Variants in CARM1 observed in about 807,000 individuals in gnomAD.
CARM1 encodes coactivator associated arginine methyltransferase 1.
CARM1 carries 14 observed loss-of-function variants against 72.7 expected under a neutral mutation model. The observed-to-expected ratio is 0.19, with a 90% CI of 0.13 to 0.30. CARM1 has a LOEUF of 0.30. Ranked by LOEUF, CARM1 falls within the 10% of genes least tolerant of loss-of-function variation. The probability of loss-of-function intolerance (pLI) is 1.00; values close to 1 mark genes in which losing one functional copy is unlikely to be tolerated. For synonymous variants in CARM1, 333 were observed against 345.5 expected, an observed-to-expected ratio of 0.96 and a Z score of 0.40; for missense variants, 432 against 833.7, an observed-to-expected ratio of 0.52 and a Z score of 5.93.
chr19:10,880,603 C>A (rs1205092971), intron 1 of CARM1, among the ~76,000 whole-genome samples: 3 of 151,482 alleles, frequency 2.0e-5, no homozygotes, highest in Non-Finnish European at 4.4e-5. Context: ...ATTCTCCTAC[C>A]TTGGCCCCCA....
In CARM1 at chr19:10,922,960, AT is replaced by A. The variant is rs1394149681; in HGVS notation, c.*1204del. 1 of 213,102 alleles carries A rather than the reference AT, an allele frequency of 4.7e-6. No homozygotes were observed. The highest frequency in any genetic ancestry group is 9.2e-6 in the Non-Finnish European group (1 of 108,520). 13.2% of individuals were successfully genotyped at this position (213,102 alleles called of 1,614,324 possible). On this transcript the variant is annotated 3_prime_UTR_variant, in exon 16 of 16. Transcript: ENST00000327064. Reference sequence around the variant, plus strand: ...GGAAAGCAGGTGGCCCGGGGGGGATATGGGGGCCCCAGCCCTGTCCCAAAGC... The same window carrying A: ...GGAAAGCAGGTGGCCCGGGGGGGATAGGGGGCCCCAGCCCTGTCCCAAAGC...
In CARM1 at chr19:10,895,917, C is replaced by T. The variant is rs146304420; in HGVS notation, c.221-9034C>T. Among the ~76,000 whole-genome samples, 545 of 152,236 alleles carry T rather than the reference C, an allele frequency of 3.6e-3. 3 individuals carry two copies. The highest frequency in any genetic ancestry group is 6.8e-3 in the Middle Eastern group (2 of 294). ...AAGCAGGGGAAGAGGGGAGGGTGAT[C>T]TCTAAGGAGCATCAGAGGCCAGAGA... is the stretch of plus-strand genomic sequence containing the variant. On this transcript the variant is annotated intron_variant, in intron 1 of 15. Coordinates refer to ENST00000327064, the MANE Select transcript of CARM1 (RefSeq NM_199141.2).
intron 1 of CARM1, among the ~76,000 whole-genome samples, chr19:10,888,806 A>G (rs983847766): frequency 2.0e-5 from 3 of 152,218 alleles, no homozygotes; most frequent in Admixed American, 2.0e-4. Context: ...TGCATGTAAT[A>G]GCTCCCAGTG....
intron 1 of CARM1, among the ~76,000 whole-genome samples, chr19:10,883,212 C>G (rs2073914969): frequency 6.6e-6 from 1 of 152,098 alleles, no homozygotes; most frequent in Admixed American, 6.6e-5. Flanking sequence ...AGGATTGGCC[C>G]ACACCCAACA....
chr19:10,909,693 C>T (rs182328617), intron 4 of CARM1, among the ~76,000 whole-genome samples: 43 of 148,192 alleles, frequency 2.9e-4, no homozygotes, highest in African/African-American at 9.3e-4. Flanking sequence ...GCTGAGATCG[C>T]GCCACTGCAC....
At chr19:10,919,480 C>T (rs891988152) in intron 8 of CARM1, 115 bp from the exon 9 acceptor site, 11 of 743,222 alleles carry the variant, frequency 1.5e-5, no homozygotes, top group Admixed American at 2.4e-5. Flanking sequence ...AGAGCAAGCT[C>T]GTTTTAGCTG....
chr19:10,894,097 T>TC (rs2145205792), intron 1 of CARM1, among the ~76,000 whole-genome samples: 1 of 152,306 alleles, frequency 6.6e-6, no homozygotes, highest in South Asian at 2.1e-4. Context: ...GGCTCAGGTG[T>TC]CGCCTCCTCC....
chr19:10,920,580 C>G lies in CARM1; in HGVS notation c.1334+7C>G. 6.2e-7 allele frequency: 1 copy of G among 1,613,930 alleles called. No homozygotes were observed. The highest frequency in any genetic ancestry group is 8.5e-7 in the Non-Finnish European group (1 of 1,179,850). On this transcript the variant is annotated splice_region_variant and intron_variant, in intron 11 of 15. Coordinates refer to ENST00000327064, the MANE Select transcript of CARM1 (RefSeq NM_199141.2). The surrounding 1 kb of genome is among the most constrained non-coding windows in gnomAD (Gnocchi z 5.3). ...TGCTTATTGCCAACAAAAGGTGCGA[C>G]TGCTCCCTGGGGCTGGTGGTGGTGG...
intron 15 of CARM1, 63 bp from the exon 16 acceptor site, chr19:10,921,550 CTG>C: frequency 6.3e-7 from 1 of 1,576,268 alleles, no homozygotes; most frequent in Non-Finnish European, 8.6e-7. Context: ...TTCTCTCTCT[CTG>C]TGACTCTGCC....
Position 10,905,081 on chromosome 19 carries a change from G to A in CARM1, c.346+5G>A, listed in dbSNP as rs746767949. The A allele has an allele frequency of 4.5e-5, 73 of 1,612,844 alleles. No homozygotes were observed. The highest frequency in any genetic ancestry group is 3.5e-4 in the Middle Eastern group (2 of 5,674). On this transcript the variant is annotated splice_donor_5th_base_variant and intron_variant, in intron 2 of 15. Transcript: ENST00000327064. ...TCCAGTTCGCCACACCCAACGGTAC[G>A]TGGCCCTCCTTCCATTCCGGTGACA...
In CARM1 at chr19:10,913,908, G is replaced by A. The variant is rs757525257; in HGVS notation, c.701G>A (p.Arg234His). 4.3e-6 allele frequency: 7 copies of A among 1,613,420 alleles called. No homozygotes were observed. Among genetic ancestry groups the A allele is most frequent in the Admixed American group, 1.7e-5 (1 of 59,944 alleles). Residue 234 changes from arginine to histidine, a missense_variant, in exon 6 of 16, where the codon CGC becomes CAC. Physicochemically the swap from Arg to His is conservative, Grantham distance 29. Coordinates refer to ENST00000327064, the MANE Select transcript of CARM1 (RefSeq NM_199141.2). ...VLVKSNNLTD[R>H]IVVIPGKVEE... ...GTGAAGAGTAACAACCTGACGGACCGCATCGTGGTCATCCCGGGCAAGGTG... is the reference window on the plus strand; with the variant it reads ...GTGAAGAGTAACAACCTGACGGACCACATCGTGGTCATCCCGGGCAAGGTG...
intron 1 of CARM1, among the ~76,000 whole-genome samples, chr19:10,890,062 A>C (rs530471926): frequency 6.6e-6 from 1 of 152,240 alleles, no homozygotes; most frequent in South Asian, 2.1e-4. Flanking sequence ...AGCGTGGGCA[A>C]CATAGCAAGA....
At chr19:10,891,234 A>G (rs1197801560) in intron 1 of CARM1, among the ~76,000 whole-genome samples, 1 of 152,000 alleles carries the variant, frequency 6.6e-6, no homozygotes, top group East Asian at 1.9e-4. Context: ...TGGGCCGGGC[A>G]TGGGTGGGTT....
chr19:10,906,859 A>AGCTTT (rs2074107803), intron 2 of CARM1, among the ~76,000 whole-genome samples: 1 of 135,194 alleles, frequency 7.4e-6, no homozygotes, highest in Non-Finnish European at 1.6e-5. Flanking sequence ...TAATAAATAT[A>AGCTTT]GCTTTATTTT....
rs1404402951 is a variant in CARM1, at chr19:10,896,284, T to C, written c.221-8667T>C. ...CTGCCCCACCCACCATTCTCTAGTG[T>C]ATTTTCTTCAAGTCTGGGGCTAGGG... is the stretch of plus-strand genomic sequence containing the variant. On this transcript the variant is annotated intron_variant, in intron 1 of 15. Coordinates refer to ENST00000327064, the MANE Select transcript of CARM1 (RefSeq NM_199141.2). This position sits in a 1 kb window ranked among gnomAD's most constrained non-coding sequence, Gnocchi z 5.2. Among the ~76,000 whole-genome samples the C allele has an allele frequency of 6.6e-6, 1 of 151,954 alleles. No homozygotes were observed.
chr19:10,900,619 C>T (rs1487787852), intron 1 of CARM1, among the ~76,000 whole-genome samples: 2 of 152,038 alleles, frequency 1.3e-5, no homozygotes, highest in Admixed American at 6.6e-5. Context: ...TTGTGTCTGT[C>T]GTGAATAAGT....
intron 1 of CARM1, among the ~76,000 whole-genome samples, chr19:10,899,503 G>T (rs1322185379): frequency 6.6e-6 from 1 of 152,164 alleles, no homozygotes; most frequent in African/African-American, 2.4e-5. Flanking sequence ...TGGGTGTAGT[G>T]AGGCTGTGAG....
chr19:10,889,363 G>A (rs1391641341), intron 1 of CARM1, among the ~76,000 whole-genome samples: 2 of 150,710 alleles, frequency 1.3e-5, no homozygotes, highest in Non-Finnish European at 3.0e-5. Flanking sequence ...CACCCAGGCT[G>A]GAGTGCAATG....
At position 10,871,613 on chromosome 19, in the gene CARM1, G is replaced by GGCGGCGGCGGCGGCGGCA. The variant is rs2073815445; in HGVS notation, c.-73_-72insAGCGGCGGCGGCGGCGGC. On this transcript the variant is annotated 5_prime_UTR_variant, in exon 1 of 16. Coordinates refer to ENST00000327064, the MANE Select transcript of CARM1 (RefSeq NM_199141.2). The surrounding 1 kb of genome is among the most constrained non-coding windows in gnomAD (Gnocchi z 5.6). ...CAGCGGCGGCGGCGGCGGCGGCGGC[G>GGCGGCGGCGGCGGCGGCA]GCGGCGGCGGCGGCGGCGGCGGCGG... is the stretch of plus-strand genomic sequence containing the variant. 10 of 139,186 alleles carry GGCGGCGGCGGCGGCGGCA rather than the reference G, an allele frequency of 7.2e-5. No homozygotes were observed. The highest frequency in any genetic ancestry group is 1.3e-4 in the Non-Finnish European group (9 of 71,692). The allele number at this position is 139,186 out of a possible 1,614,324, so 8.6% of individuals were successfully genotyped here.
Sources: allele counts gnomAD v4.1 joint callset (sites outside exome capture counted in the v4.1 genomes callset), GRCh38; gene constraint gnomAD v4.1.1; non-coding constraint Gnocchi (gnomAD v3.1); transcripts MANE v1.5; gene names NCBI Gene and HGNC (gene_info 2026-07-23, HGNC 2026-07-21).